AFG2B: variants seen among roughly 807,000 people sequenced by gnomAD.
The protein encoded by AFG2B is ATPase family gene 2 protein homolog B.
At chr15:45,414,629 C>T in the AFG2B span, 1 of 1,614,016 alleles carries the variant, frequency 6.2e-7, no homozygotes, top group Admixed American at 1.7e-5. Context: ...CTGACACAAC[C>T]AAAGGGAGTT....
At chr15:45,408,570 T>C in the AFG2B span, among the ~76,000 whole-genome samples, 102 of 152,372 alleles carry the variant, frequency 6.7e-4, 4 homozygotes, top group East Asian at 0.019. Context: ...GCCTCACATG[T>C]AGAGGCACAG....
the AFG2B span, chr15:45,403,233 G>T: frequency 2.6e-6 from 4 of 1,527,636 alleles, no homozygotes; most frequent in Non-Finnish European, 3.5e-6. Flanking sequence ...TCAGCGCCCC[G>T]GCGCTGCAGG....
the AFG2B span, among the ~76,000 whole-genome samples, chr15:45,405,087 ATTG>A: frequency 6.6e-6 from 1 of 152,044 alleles, no homozygotes; most frequent in Admixed American, 6.6e-5. Flanking sequence ...ACGAGAAATT[ATTG>A]TTAACTATAG....
At chr15:45,403,510 G>T in the AFG2B span, 1 of 1,603,142 alleles carries the variant, frequency 6.2e-7, no homozygotes, top group South Asian at 1.1e-5. Flanking sequence ...CGGGAGATTT[G>T]ACCGAGAGGT....
chr15:45,405,206 G>A, the AFG2B span: 3 of 1,034,508 alleles, frequency 2.9e-6, no homozygotes, highest in Non-Finnish European at 4.1e-6. Flanking sequence ...ACCCTTCCCA[G>A]TGTCTGGTTG....
the AFG2B span, among the ~76,000 whole-genome samples, chr15:45,411,294 A>G: frequency 6.6e-6 from 1 of 152,154 alleles, no homozygotes; most frequent in Non-Finnish European, 1.5e-5. Context: ...AGACTGGGCA[A>G]CAAAGTAAGA....
the AFG2B span, among the ~76,000 whole-genome samples, chr15:45,412,315 C>T: frequency 2.0e-5 from 3 of 152,112 alleles, no homozygotes; most frequent in Non-Finnish European, 4.4e-5. Flanking sequence ...GCAGGAGAAT[C>T]GCTTCAACCT....
the AFG2B span, chr15:45,407,327 T>C: frequency 1.2e-6 from 1 of 840,746 alleles, no homozygotes; most frequent in East Asian, 6.8e-5. Flanking sequence ...TGTTAAACTT[T>C]TTGTGAAGTA....
chr15:45,420,001 A>ACCCCCC, the AFG2B span, among the ~76,000 whole-genome samples: 48 of 84,538 alleles, frequency 5.7e-4, 3 homozygotes, highest in Middle Eastern at 6.6e-3. Flanking sequence ...CCCCCCCAAA[A>ACCCCCC]AAAAAAAAAA....
At chr15:45,420,606 A>T in the AFG2B span, among the ~76,000 whole-genome samples, 1,064 of 152,282 alleles carry the variant, frequency 7.0e-3, 8 homozygotes, top group African/African-American at 0.023. Context: ...ACTTTTTAGC[A>T]TAATGTTTTT....
the AFG2B span, chr15:45,410,223 T>A: frequency 4.7e-5 from 38 of 800,802 alleles, no homozygotes; most frequent in Non-Finnish European, 6.8e-5. Context: ...AGACATTTAA[T>A]TCTTTGTACT....
chr15:45,415,072 A>G, the AFG2B span, among the ~76,000 whole-genome samples: 1 of 152,140 alleles, frequency 6.6e-6, no homozygotes, highest in Non-Finnish European at 1.5e-5. Flanking sequence ...TAATATTACT[A>G]CTTTTGAAAT....
At chr15:45,419,999 A>C in the AFG2B span, among the ~76,000 whole-genome samples, 127 of 37,246 alleles carry the variant, frequency 3.4e-3, 8 homozygotes, top group East Asian at 0.22. Context: ...CCCCCCCCCA[A>C]AAAAAAAAAA....
the AFG2B span, chr15:45,418,535 A>T: frequency 6.4e-7 from 1 of 1,570,348 alleles, no homozygotes; most frequent in African/African-American, 1.4e-5. Flanking sequence ...GATTTAAAAT[A>T]CTGTTTTTTA....
the AFG2B span, chr15:45,414,797 A>G: frequency 9.0e-5 from 143 of 1,593,148 alleles, 2 homozygotes; most frequent in East Asian, 3.1e-3. Context: ...TTATTTCCCC[A>G]TATGTTTAAA....
chr15:45,406,152 C>T, the AFG2B span, among the ~76,000 whole-genome samples: 43 of 152,166 alleles, frequency 2.8e-4, no homozygotes, highest in African/African-American at 9.9e-4. Flanking sequence ...ATACTTCAGG[C>T]TTTCTTCTAT....
the AFG2B span, chr15:45,410,634 T>C: frequency 9.5e-7 from 1 of 1,048,770 alleles, no homozygotes; most frequent in Non-Finnish European, 1.3e-6. Context: ...CTCCTATCAC[T>C]AATGTGATCC....
the AFG2B span, chr15:45,417,369 G>T: frequency 6.2e-7 from 1 of 1,613,898 alleles, no homozygotes; most frequent in Admixed American, 1.7e-5. Context: ...GATTAGATAA[G>T]ATCATCTATA....
the AFG2B span, among the ~76,000 whole-genome samples, chr15:45,404,061 C>G: frequency 6.6e-5 from 10 of 152,268 alleles, no homozygotes; most frequent in Non-Finnish European, 8.8e-5. Context: ...CACAACTGCT[C>G]CCTGAGTTGT....
Sources: gnomAD v4.1 joint callset for allele counts (sites outside exome capture counted in the v4.1 genomes callset) on GRCh38, gnomAD v4.1.1 for gene constraint, MANE v1.5 for transcripts, NCBI Gene and HGNC (gene_info 2026-07-23, HGNC 2026-07-21) for gene names.